Variants in VMP1 observed in about 807,000 individuals in gnomAD.
VMP1 encodes the protein ectopic P-granules autophagy protein 3 homolog.
Under a neutral mutation model 56.0 loss-of-function variants are expected in VMP1, and 11 were observed. That is an observed-to-expected ratio of 0.20 (90% CI 0.12 to 0.32). The LOEUF (loss-of-function observed/expected upper bound fraction) is 0.32. VMP1 is among the 10% of genes least tolerant of loss of function. The pLI, the probability that VMP1 is intolerant of heterozygous loss-of-function variation, is 1.00. For missense variants in VMP1, 296 were observed against 490.3 expected, an observed-to-expected ratio of 0.60 and a Z score of 3.74; for synonymous variants, 149 against 165.0, an observed-to-expected ratio of 0.90 and a Z score of 0.74.
intron 5 of VMP1, among the ~76,000 whole-genome samples, chr17:59,761,225 G>A (rs995871500): frequency 1.2e-4 from 18 of 152,248 alleles, no homozygotes; most frequent in Admixed American, 2.0e-4. Context: ...TCTTTGTGTC[G>A]ATCCTGACTG....
At chr17:59,813,468 T>A (rs2038122431) in intron 9 of VMP1, among the ~76,000 whole-genome samples, 1 of 151,662 alleles carries the variant, frequency 6.6e-6, no homozygotes, top group Non-Finnish European at 1.5e-5. Flanking sequence ...TCCCAGCTAC[T>A]CAGGAGCCTG....
At chr17:59,720,986 T>A (rs1484597772) in intron 1 of VMP1, among the ~76,000 whole-genome samples, 1 of 149,064 alleles carries the variant, frequency 6.7e-6, no homozygotes, top group Non-Finnish European at 1.5e-5. Flanking sequence ...AAAAAAAAAA[T>A]TATCTTAAAG....
rs769231546 is a variant in VMP1, at chr17:59,776,003, A to G, written c.714+2118A>G. ...TGAAACAGGAGGATTGCTTGAGGCC[A>G]GAAATTCAAGACCGGCCTGGGCAAC... On this transcript the variant is annotated intron_variant, in intron 7 of 11. Coordinates refer to ENST00000262291, the MANE Select transcript of VMP1 (RefSeq NM_030938.5). 7.2e-5 allele frequency among the ~76,000 whole-genome samples: 11 copies of G among 152,296 alleles called. No individual in the cohort carries two copies. In the South Asian group the frequency reaches 1.0e-3, roughly 14 times the overall value.
intron 5 of VMP1, among the ~76,000 whole-genome samples, chr17:59,751,957 G>GACAT (rs2035668771): frequency 6.6e-6 from 1 of 151,970 alleles, no homozygotes; most frequent in Non-Finnish European, 1.5e-5. Flanking sequence ...TGGGACTACA[G>GACAT]GTGTGCACCA....
At chr17:59,779,797 G>A (rs1399039231) in intron 7 of VMP1, among the ~76,000 whole-genome samples, 1 of 152,254 alleles carries the variant, frequency 6.6e-6, no homozygotes, top group Non-Finnish European at 1.5e-5. Flanking sequence ...ACATTGGCTA[G>A]AATATCAGAG....
intron 10 of VMP1, among the ~76,000 whole-genome samples, chr17:59,829,651 A>G (rs1272086769): frequency 6.6e-6 from 1 of 152,218 alleles, no homozygotes; most frequent in African/African-American, 2.4e-5. Flanking sequence ...TAAAATGTGC[A>G]CATTTCTGAA....
chr17:59,803,144 A>G (rs1201616798), intron 7 of VMP1, among the ~76,000 whole-genome samples: 2 of 152,220 alleles, frequency 1.3e-5, no homozygotes, highest in East Asian at 3.8e-4. Context: ...GTATATTTAC[A>G]TTCATGTTGA....
chr17:59,750,506 T>A (rs1222726084), intron 5 of VMP1, among the ~76,000 whole-genome samples: 4 of 152,124 alleles, frequency 2.6e-5, no homozygotes, highest in Non-Finnish European at 5.9e-5. Flanking sequence ...TTCACCATGT[T>A]GGCCAGGCTG....
At chr17:59,797,188 A>G (rs530417871) in intron 7 of VMP1, among the ~76,000 whole-genome samples, 22 of 148,008 alleles carry the variant, frequency 1.5e-4, no homozygotes, top group African/African-American at 5.4e-4. Flanking sequence ...AAATACAAAA[A>G]TTAGCCAGGC....
In VMP1 at chr17:59,735,269, A is replaced by G. The variant is rs2034974977; in HGVS notation, c.77-69A>G. The stretch of plus-strand genomic sequence containing the variant: ...TTGGGAGATAAAACTCTTTTCATCT[A>G]AAGTGATTGAAGAGAATAAGCATAA... On this transcript the variant is annotated intron_variant, in intron 2 of 11. Transcript: ENST00000262291. 20 of 1,562,494 alleles carry G rather than the reference A, an allele frequency of 1.3e-5. No individual in the cohort carries two copies. In the South Asian group the frequency reaches 2.1e-4, roughly 16 times the overall value.
At chr17:59,776,634 A>G (rs1489683849) in intron 7 of VMP1, among the ~76,000 whole-genome samples, 1 of 152,234 alleles carries the variant, frequency 6.6e-6, no homozygotes, top group East Asian at 1.9e-4. Context: ...AAAACTCAGA[A>G]TGCCAGCATT....
intron 6 of VMP1, among the ~76,000 whole-genome samples, chr17:59,770,624 C>T (rs929152498): frequency 6.6e-6 from 1 of 151,524 alleles, no homozygotes; most frequent in Non-Finnish European, 1.5e-5. Context: ...TGCACTGTCA[C>T]CCAGGCTGGA....
chr17:59,818,949 C>T (rs932649475), intron 10 of VMP1, among the ~76,000 whole-genome samples: 2 of 151,900 alleles, frequency 1.3e-5, no homozygotes, highest in African/African-American at 4.8e-5. Context: ...GAAATTTTTG[C>T]TATTTAAAAA....
rs1181804616 is a variant in VMP1 at position 59,840,894 on chromosome 17, ACT to A, written c.*986_*987del. On this transcript the variant is annotated 3_prime_UTR_variant, in exon 12 of 12. Transcript: ENST00000262291. ...TTACCCATTTCTAAAAAAAAACCAC[ACT>A]CTGTCGTATCTGTGTTAATGTTTTC... 4 of 154,244 alleles carry A rather than the reference ACT, an allele frequency of 2.6e-5. No homozygotes were observed. Among genetic ancestry groups the A allele is most frequent in the African/African-American group, 9.7e-5 (4 of 41,286 alleles). 9.6% of individuals were successfully genotyped at this position (154,244 alleles called of 1,614,324 possible).
chr17:59,812,524 A>G (rs1429087391), intron 9 of VMP1, among the ~76,000 whole-genome samples: 1 of 152,228 alleles, frequency 6.6e-6, no homozygotes, highest in East Asian at 1.9e-4. Context: ...TAGAACTGTG[A>G]TATGAATTAC....
At chr17:59,766,623 G>T (rs143998539) in intron 6 of VMP1, among the ~76,000 whole-genome samples, 1 of 152,244 alleles carries the variant, frequency 6.6e-6, no homozygotes, top group African/African-American at 2.4e-5. Context: ...TATAGTGAAC[G>T]TATCAGGCTG....
intron 1 of VMP1, among the ~76,000 whole-genome samples, chr17:59,721,521 A>T (rs2034395115): frequency 1.3e-5 from 2 of 152,192 alleles, no homozygotes; most frequent in South Asian, 4.1e-4. Context: ...GGGTATGTTG[A>T]TGCTAGATTA....
intron 10 of VMP1, among the ~76,000 whole-genome samples, chr17:59,832,970 C>T (rs956551817): frequency 5.3e-5 from 8 of 151,950 alleles, no homozygotes; most frequent in African/African-American, 1.9e-4. Context: ...ACTTCCCCAA[C>T]TTAACTATGG....
At chr17:59,772,151 C>G (rs2036449869) in intron 6 of VMP1, among the ~76,000 whole-genome samples, 1 of 151,856 alleles carries the variant, frequency 6.6e-6, no homozygotes, top group South Asian at 2.1e-4. Flanking sequence ...CCACCATGCC[C>G]AGCTAATTTT....
Sources: gnomAD v4.1 joint callset for allele counts (sites outside exome capture counted in the v4.1 genomes callset) on GRCh38, gnomAD v4.1.1 for gene constraint, MANE v1.5 for transcripts, NCBI Gene and HGNC (gene_info 2026-07-23, HGNC 2026-07-21) for gene names.